Variants in KIRREL3 observed in about 807,000 individuals in gnomAD.
KIRREL3 encodes the protein kirre like nephrin family adhesion molecule 3.
Under a neutral mutation model 89.7 loss-of-function variants are expected in KIRREL3, and 36 were observed. The observed-to-expected ratio is 0.40, with a 90% CI of 0.31 to 0.53. KIRREL3 has a LOEUF of 0.53. KIRREL3 is among the 20% of genes least tolerant of loss of function. KIRREL3 has a pLI of 0.49. For synonymous variants in KIRREL3, 445 were observed against 441.4 expected (o/e 1.01, Z -0.10); for missense variants, 864 against 1,056.6 (o/e 0.82, Z 2.53).
intron 1 of KIRREL3, among the ~76,000 whole-genome samples, chr11:126,829,070 C>T (rs1307260027): frequency 1.3e-5 from 2 of 152,210 alleles, no homozygotes; most frequent in Non-Finnish European, 2.9e-5. Flanking sequence ...CAAGTGTTCC[C>T]TGAGCAGTAA....
intron 1 of KIRREL3, among the ~76,000 whole-genome samples, chr11:126,597,795 A>C (rs921798887): frequency 1.8e-4 from 28 of 152,360 alleles, no homozygotes; most frequent in African/African-American, 6.7e-4. Context: ...TGAGGAATTA[A>C]CAAAAATGTA....
At position 126,595,034 on chromosome 11, in the gene KIRREL3, C is replaced by T. The variant is rs575306414; in HGVS notation, c.56-32122G>A. 1.4e-4 allele frequency among the ~76,000 whole-genome samples: 22 copies of T among 152,338 alleles called. No homozygotes were observed. In the East Asian group the frequency reaches 4.3e-3, roughly 29 times the overall value. ...CCTGAGCGTGCCCTGAAGATGGGCA[C>T]AGAGCTCCCCCAGCTGCCGTGGCAC... On this transcript the variant is annotated intron_variant, in intron 1 of 16. Transcript: ENST00000525144.
intron 1 of KIRREL3, among the ~76,000 whole-genome samples, chr11:126,864,046 C>G (rs1015834188): frequency 6.6e-6 from 1 of 152,200 alleles, no homozygotes; most frequent in Non-Finnish European, 1.5e-5. Context: ...CCGCTCCTCC[C>G]CAACCGGGCA....
Position 126,689,042 on chromosome 11 carries a change from A to AAGAC in KIRREL3, c.56-126131_56-126130insGTCT, listed in dbSNP as rs1946776368. 7.7e-6 allele frequency among the ~76,000 whole-genome samples: 1 copy of AAGAC among 129,766 alleles called. No individual in the cohort carries two copies. Among genetic ancestry groups the AAGAC allele is most frequent in the Admixed American group, 8.0e-5 (1 of 12,518 alleles). 85.1% of individuals were successfully genotyped at this position (129,766 alleles called of 152,430 possible). A position where few individuals can be genotyped will look rare whatever the true frequency, so the allele number is the denominator to read the frequency against. ...ATGTGTGTGTGTGTAAGGGGGAGAG[A>AAGAC]AGAGAGAGAGAGAGAGAGAGAGAGA... On this transcript the variant is annotated intron_variant, in intron 1 of 16. Coordinates refer to ENST00000525144, the MANE Select transcript of KIRREL3 (RefSeq NM_032531.4). The surrounding 1 kb of genome is among the most constrained non-coding windows in gnomAD (Gnocchi z 5.2).
rs181879424 is a variant in KIRREL3, at chr11:126,945,316, T to C, written c.55+55139A>G. Among the ~76,000 whole-genome samples, 771 of 152,258 alleles carry C rather than the reference T, an allele frequency of 5.1e-3. 7 individuals are homozygous for C. The highest frequency in any genetic ancestry group is 0.018 in the African/African-American group (738 of 41,560). On this transcript the variant is annotated intron_variant, in intron 1 of 16. Transcript: ENST00000525144. Reference sequence around the variant, plus strand: ...CATATCAGCAACATTCAGCCACAAGTGTGGCTCTGACAGGCTGTGGGGGGC... The same window carrying C: ...CATATCAGCAACATTCAGCCACAAGCGTGGCTCTGACAGGCTGTGGGGGGC...
chr11:126,703,695 G>A lies in KIRREL3; in HGVS notation c.56-140783C>T, dbSNP rs1370671389. Among the ~76,000 whole-genome samples the A allele has an allele frequency of 6.6e-6, 1 of 152,188 alleles. No homozygotes were observed. The highest frequency in any genetic ancestry group is 2.4e-5 in the African/African-American group (1 of 41,446). ...TGAGGCCCACGGGCAGGGGAGGCAGGACTCCTAAGCCTGGGCCCTCTGACT... is the reference window on the plus strand; with the variant it reads ...TGAGGCCCACGGGCAGGGGAGGCAGAACTCCTAAGCCTGGGCCCTCTGACT... On this transcript the variant is annotated intron_variant, in intron 1 of 16. Transcript: ENST00000525144. This position sits in a 1 kb window ranked among gnomAD's most constrained non-coding sequence, Gnocchi z 4.6.
At chr11:126,667,639 A>T (rs922493668) in intron 1 of KIRREL3, among the ~76,000 whole-genome samples, 5 of 151,880 alleles carry the variant, frequency 3.3e-5, no homozygotes, top group African/African-American at 1.2e-4. Flanking sequence ...TCCCAGACAC[A>T]CTCTCAACTC....
rs931669715 is a variant in KIRREL3, at chr11:126,669,528, G to A, written c.56-106616C>T. ...GGTTAGATTTTTAACTTCTGGTTCG[G>A]ACTAATACATCTTTTCCAGTGCATG... On this transcript the variant is annotated intron_variant, in intron 1 of 16. Transcript: ENST00000525144. This position sits in a 1 kb window ranked among gnomAD's most constrained non-coding sequence, Gnocchi z 5.0. Among the ~76,000 whole-genome samples the A allele has an allele frequency of 6.6e-6, 1 of 152,130 alleles. No individual in the cohort carries two copies. The highest frequency in any genetic ancestry group is 1.5e-5 in the Non-Finnish European group (1 of 68,024).
At chr11:126,707,636 G>T (rs978806473) in intron 1 of KIRREL3, among the ~76,000 whole-genome samples, 1 of 152,144 alleles carries the variant, frequency 6.6e-6, no homozygotes, top group African/African-American at 2.4e-5. Flanking sequence ...GGAGCCAGGG[G>T]CTAAAGTACT....
rs1213138537 is a variant in KIRREL3, at chr11:126,594,818, G to A, written c.56-31906C>T. 6.6e-6 allele frequency among the ~76,000 whole-genome samples: 1 copy of A among 152,236 alleles called. No individual in the cohort carries two copies. The highest frequency in any genetic ancestry group is 1.5e-5 in the Non-Finnish European group (1 of 68,040). ...ATAAAATTCTGAAGCCTCAGCGATG[G>A]AACCTGCATTTGGGAGCTGCTCGAT... On this transcript the variant is annotated intron_variant, in intron 1 of 16. Coordinates refer to ENST00000525144, the MANE Select transcript of KIRREL3 (RefSeq NM_032531.4). This position sits in a 1 kb window ranked among gnomAD's most constrained non-coding sequence, Gnocchi z 5.0.
At chr11:126,784,044 G>C (rs1047614949) in intron 1 of KIRREL3, among the ~76,000 whole-genome samples, 12 of 152,094 alleles carry the variant, frequency 7.9e-5, no homozygotes, top group East Asian at 5.8e-4. Flanking sequence ...CAAGACACCT[G>C]GCCAGTACTC....
At position 126,623,149 on chromosome 11, in the gene KIRREL3, A is replaced by C. The variant is rs961538171; in HGVS notation, c.56-60237T>G. On this transcript the variant is annotated intron_variant, in intron 1 of 16. Transcript: ENST00000525144. The surrounding 1 kb of genome is among the most constrained non-coding windows in gnomAD (Gnocchi z 4.1). Reference sequence around the variant, plus strand: ...CATAAGAAAACAGAAATAGGTCATCATTTGTCTAAGGTGACAGAGCCCAAA... The same window carrying C: ...CATAAGAAAACAGAAATAGGTCATCCTTTGTCTAAGGTGACAGAGCCCAAA... Among the ~76,000 whole-genome samples, 9 of 152,156 alleles carry C rather than the reference A, an allele frequency of 5.9e-5. No homozygotes were observed. The highest frequency in any genetic ancestry group is 2.2e-4 in the African/African-American group (9 of 41,416).
rs768018111 is a variant in KIRREL3, at chr11:126,765,191, G to A, written c.56-202279C>T. 3.7e-4 allele frequency among the ~76,000 whole-genome samples: 57 copies of A among 152,256 alleles called. 1 individual carries two copies. Among genetic ancestry groups the A allele is most frequent in the African/African-American group, 1.3e-3 (52 of 41,550 alleles). On this transcript the variant is annotated intron_variant, in intron 1 of 16. Coordinates refer to ENST00000525144, the MANE Select transcript of KIRREL3 (RefSeq NM_032531.4). Reference sequence around the variant, plus strand: ...AAATACCCTGGCCCAACTATACCCCGTGGCTCTGCCAGTTCTTTCCATTGA... The same window carrying A: ...AAATACCCTGGCCCAACTATACCCCATGGCTCTGCCAGTTCTTTCCATTGA...
rs371138803 is a variant in KIRREL3, at chr11:126,913,761, A to G, written c.55+86694T>C. Among the ~76,000 whole-genome samples, 84 of 152,328 alleles carry G rather than the reference A, an allele frequency of 5.5e-4. 1 individual carries two copies. The East Asian group carries it at 9.1e-3, about 16-fold the overall frequency. On this transcript the variant is annotated intron_variant, in intron 1 of 16. Coordinates refer to ENST00000525144, the MANE Select transcript of KIRREL3 (RefSeq NM_032531.4). ...GTGCCTCCTCTCAAGTCTGCTTGGAAAGAGACTACCATATAAGAGCTGAGT... is the reference window on the plus strand; with the variant it reads ...GTGCCTCCTCTCAAGTCTGCTTGGAGAGAGACTACCATATAAGAGCTGAGT...
At chr11:126,914,514 G>A (rs550314697) in intron 1 of KIRREL3, among the ~76,000 whole-genome samples, 1 of 152,324 alleles carries the variant, frequency 6.6e-6, no homozygotes, top group Admixed American at 6.5e-5. Flanking sequence ...TACTGGCTGG[G>A]ATGGCCTACA....
chr11:126,486,569 C>G lies in KIRREL3; in HGVS notation c.434-13103G>C, dbSNP rs1482191529. ...AACCTGATTTGGGGTCTCTTTTGCT[C>G]AACACAGCTGGGTTGGTGGGAAAAG... On this transcript the variant is annotated intron_variant, in intron 4 of 16. Coordinates refer to ENST00000525144, the MANE Select transcript of KIRREL3 (RefSeq NM_032531.4). This position sits in a 1 kb window ranked among gnomAD's most constrained non-coding sequence, Gnocchi z 6.2. Among the ~76,000 whole-genome samples the G allele has an allele frequency of 3.3e-5, 5 of 152,216 alleles. No individual in the cohort carries two copies. Among genetic ancestry groups the G allele is most frequent in the African/African-American group, 1.2e-4 (5 of 41,452 alleles).
intron 1 of KIRREL3, among the ~76,000 whole-genome samples, chr11:126,757,917 G>A (rs1190934958): frequency 2.0e-5 from 3 of 152,130 alleles, no homozygotes; most frequent in Non-Finnish European, 4.4e-5. Flanking sequence ...CTAAAATTTT[G>A]TCATTCTCTT....
chr11:126,511,007 C>T (rs955742689), intron 4 of KIRREL3, among the ~76,000 whole-genome samples: 11 of 151,938 alleles, frequency 7.2e-5, no homozygotes, highest in African/African-American at 2.4e-4. Flanking sequence ...GAGAGGAACA[C>T]ACAAGGGCCA....
At position 126,876,330 on chromosome 11, in the gene KIRREL3, A is replaced by C. The variant is rs986485360; in HGVS notation, c.55+124125T>G. Among the ~76,000 whole-genome samples the C allele has an allele frequency of 5.9e-5, 9 of 152,146 alleles. No individual in the cohort carries two copies. The highest frequency in any genetic ancestry group is 2.2e-4 in the African/African-American group (9 of 41,428). ...TCAGTTTCTCAGCCTGAAGGCACGGACTACAGAAAGGGAAAATGTGGAGAA... is the reference window on the plus strand; with the variant it reads ...TCAGTTTCTCAGCCTGAAGGCACGGCCTACAGAAAGGGAAAATGTGGAGAA... On this transcript the variant is annotated intron_variant, in intron 1 of 16. Transcript: ENST00000525144. This position sits in a 1 kb window ranked among gnomAD's most constrained non-coding sequence, Gnocchi z 4.1.
Sources: gnomAD v4.1 joint callset for allele counts (sites outside exome capture counted in the v4.1 genomes callset) on GRCh38, gnomAD v4.1.1 for gene constraint, Gnocchi (gnomAD v3.1) non-coding constraint, MANE v1.5 for transcripts, NCBI Gene and HGNC (gene_info 2026-07-23, HGNC 2026-07-21) for gene names.